CAMTA1: variants seen among roughly 807,000 people sequenced by gnomAD.
CAMTA1 encodes calmodulin-binding transcription activator 1.
CAMTA1 carries 27 observed loss-of-function variants against 170.9 expected under a neutral mutation model. That is an observed-to-expected ratio of 0.16 (90% CI 0.12 to 0.22). The LOEUF (loss-of-function observed/expected upper bound fraction) is 0.22. Ranked by LOEUF, CAMTA1 falls within the 10% of genes least tolerant of loss-of-function variation. The probability of loss-of-function intolerance (pLI) is 1.00; values close to 1 mark genes in which losing one functional copy is unlikely to be tolerated. For synonymous variants in CAMTA1, 833 were observed against 891.5 expected, an observed-to-expected ratio of 0.93 and a Z score of 1.17; for missense variants, 1,619 against 2,217.2, an observed-to-expected ratio of 0.73 and a Z score of 5.42.
At chr1:7,660,059 G>T (rs2095941063) in intron 7 of CAMTA1, among the ~76,000 whole-genome samples, 2 of 152,172 alleles carry the variant, frequency 1.3e-5, no homozygotes, top group Admixed American at 1.3e-4. Context: ...TGAGATCCTT[G>T]TCTCTACAAA....
intron 5 of CAMTA1, among the ~76,000 whole-genome samples, chr1:7,417,272 G>T (rs546850166): frequency 2.0e-5 from 3 of 152,250 alleles, no homozygotes; most frequent in Admixed American, 6.5e-5. Flanking sequence ...CTCCAGCTGC[G>T]TGCTGGGAGA....
At chr1:7,553,215 G>A (rs1040299738) in intron 6 of CAMTA1, among the ~76,000 whole-genome samples, 7 of 144,654 alleles carry the variant, frequency 4.8e-5, no homozygotes, top group Non-Finnish European at 1.1e-4. Context: ...GAGTGAATAA[G>A]TGAGTGAATG....
intron 3 of CAMTA1, among the ~76,000 whole-genome samples, chr1:6,980,573 C>T (rs1057063010): frequency 1.1e-4 from 17 of 152,160 alleles, no homozygotes; most frequent in African/African-American, 4.1e-4. Context: ...TGAATTGTAG[C>T]TCCCATAATT....
At chr1:7,350,548 C>G (rs902428697) in intron 5 of CAMTA1, among the ~76,000 whole-genome samples, 2 of 152,220 alleles carry the variant, frequency 1.3e-5, no homozygotes, top group African/African-American at 4.8e-5. Context: ...CTTTGAAAAG[C>G]TCCTGTGAGG....
At chr1:7,669,817 C>T (rs981296078) in intron 9 of CAMTA1, among the ~76,000 whole-genome samples, 14 of 152,200 alleles carry the variant, frequency 9.2e-5, no homozygotes, top group Non-Finnish European at 4.4e-5. Context: ...GGGAGAGCCT[C>T]CCTCTACTCA....
intron 2 of CAMTA1, among the ~76,000 whole-genome samples, chr1:6,821,945 G>C (rs1179387811): frequency 6.6e-6 from 1 of 152,120 alleles, no homozygotes; most frequent in African/African-American, 2.4e-5. Flanking sequence ...TAGAATTAGA[G>C]TTGTCAGTCA....
In CAMTA1 at chr1:7,288,030, CATGTGTGT is replaced by C. The variant is rs1672591577; in HGVS notation, c.438+38407_438+38414del. Among the ~76,000 whole-genome samples the C allele has an allele frequency of 2.0e-5, 3 of 152,320 alleles. No homozygotes were observed. In the South Asian group the frequency reaches 6.2e-4, roughly 32 times the overall value. ...TAGTTTGGTGACTAGTTAGTTTCTG[CATGTGTGT>C]ATTATCTCACTTAATTTTCTAGAGA... On this transcript the variant is annotated intron_variant, in intron 5 of 22. Coordinates refer to ENST00000303635, the MANE Select transcript of CAMTA1 (RefSeq NM_015215.4).
chr1:7,498,246 G>T (rs1279851383), intron 6 of CAMTA1, among the ~76,000 whole-genome samples: 1 of 144,044 alleles, frequency 6.9e-6, no homozygotes, highest in Non-Finnish European at 1.5e-5. Flanking sequence ...GTGTGGATGT[G>T]TGGGAGAGTG....
At chr1:6,909,648 G>GTGAGTT (rs1228512791) in intron 3 of CAMTA1, among the ~76,000 whole-genome samples, 2 of 152,268 alleles carry the variant, frequency 1.3e-5, no homozygotes, top group Non-Finnish European at 2.9e-5. Flanking sequence ...CTGCCTGCCT[G>GTGAGTT]TGAGTTTGCA....
At chr1:6,875,883 C>T (rs1178420736) in intron 3 of CAMTA1, among the ~76,000 whole-genome samples, 1 of 152,210 alleles carries the variant, frequency 6.6e-6, no homozygotes, top group Non-Finnish European at 1.5e-5. Context: ...TAGGTCCTTA[C>T]ATTGTGCACA....
intron 7 of CAMTA1, among the ~76,000 whole-genome samples, chr1:7,643,207 GT>G (rs1353486599): frequency 6.7e-6 from 1 of 149,934 alleles, no homozygotes; most frequent in Admixed American, 6.6e-5. Flanking sequence ...TGAGCCTTCT[GT>G]CTGCTTCTTC....
intron 5 of CAMTA1, among the ~76,000 whole-genome samples, chr1:7,279,596 A>G (rs1671218461): frequency 6.6e-6 from 1 of 152,136 alleles, no homozygotes; most frequent in African/African-American, 2.4e-5. Flanking sequence ...AGAACACCAT[A>G]AACAAAATGG....
At chr1:7,158,951 G>C (rs896188764) in intron 4 of CAMTA1, among the ~76,000 whole-genome samples, 1 of 139,246 alleles carries the variant, frequency 7.2e-6, no homozygotes, top group African/African-American at 2.7e-5. Flanking sequence ...GACGATTCTA[G>C]TTCCTAAGTT....
At chr1:7,552,775 G>A (rs2094820384) in intron 6 of CAMTA1, among the ~76,000 whole-genome samples, 1 of 152,266 alleles carries the variant, frequency 6.6e-6, no homozygotes, top group African/African-American at 2.4e-5. Context: ...GTTAGGGGAA[G>A]AGCTGGTGGA....
intron 4 of CAMTA1, among the ~76,000 whole-genome samples, chr1:7,205,387 G>C (rs976978871): frequency 2.0e-5 from 3 of 152,208 alleles, no homozygotes; most frequent in Non-Finnish European, 4.4e-5. Context: ...ACAGACGTGA[G>C]CCACCATGCC....
chr1:7,329,665 G>A (rs1329332939), intron 5 of CAMTA1, among the ~76,000 whole-genome samples: 7 of 152,098 alleles, frequency 4.6e-5, no homozygotes, highest in Non-Finnish European at 1.0e-4. Flanking sequence ...AATACCCTAC[G>A]TGTGTGATGG....
chr1:7,092,440 C>A lies in CAMTA1; in HGVS notation c.302+1069C>A, dbSNP rs939366524. 1.3e-5 allele frequency among the ~76,000 whole-genome samples: 2 copies of A among 152,132 alleles called. No individual in the cohort carries two copies. Among genetic ancestry groups the A allele is most frequent in the Non-Finnish European group, 2.9e-5 (2 of 68,022 alleles). On this transcript the variant is annotated intron_variant, in intron 4 of 22. Coordinates refer to ENST00000303635, the MANE Select transcript of CAMTA1 (RefSeq NM_015215.4). This position sits in a 1 kb window ranked among gnomAD's most constrained non-coding sequence, Gnocchi z 5.0. ...GGCTGAGATATTTACTGGTTAGCAT[C>A]TTTTAGGTGAGGGCACAATCCTCCC...
At chr1:7,330,454 G>A (rs1014109208) in intron 5 of CAMTA1, among the ~76,000 whole-genome samples, 1 of 152,172 alleles carries the variant, frequency 6.6e-6, no homozygotes, top group African/African-American at 2.4e-5. Context: ...GGGAAATGGA[G>A]TGTACGCCCC....
In CAMTA1 at chr1:6,856,894, A is replaced by G. The variant is rs1662621708; in HGVS notation, c.234+31684A>G. Among the ~76,000 whole-genome samples, 5 of 152,212 alleles carry G rather than the reference A, an allele frequency of 3.3e-5. No homozygotes were observed. The South Asian group carries it at 1.0e-3, about 32-fold the overall frequency. On this transcript the variant is annotated intron_variant, in intron 3 of 22. Transcript: ENST00000303635. Reference sequence around the variant, plus strand: ...GACTTCATGATGGGAAGAGCTCGGCATGTCTGAAGTGAGGAGTGGGAGGTC... The same window carrying G: ...GACTTCATGATGGGAAGAGCTCGGCGTGTCTGAAGTGAGGAGTGGGAGGTC...
Sources: gnomAD v4.1 joint callset for allele counts (sites outside exome capture counted in the v4.1 genomes callset) on GRCh38, gnomAD v4.1.1 for gene constraint, Gnocchi (gnomAD v3.1) non-coding constraint, MANE v1.5 for transcripts, NCBI Gene and HGNC (gene_info 2026-07-23, HGNC 2026-07-21) for gene names.